KLF7: variants seen among roughly 807,000 people sequenced by gnomAD.
KLF7 encodes Krueppel-like factor 7.
In KLF7, 2 loss-of-function variants were observed where a neutral mutation model predicts 27.3. The observed-to-expected ratio is 0.07, with a 90% CI of 0.03 to 0.23. The LOEUF is 0.23. Ranked by LOEUF, KLF7 falls within the 10% of genes least tolerant of loss-of-function variation. The pLI is 1.00. For synonymous variants in KLF7, 165 were observed against 162.4 expected (o/e 1.02, Z -0.12); for missense variants, 221 against 394.1 (o/e 0.56, Z 3.72).
At chr2:207,131,377 G>C (rs2106017528) in intron 1 of KLF7, among the ~76,000 whole-genome samples, 1 of 152,318 alleles carries the variant, frequency 6.6e-6, no homozygotes, top group South Asian at 2.1e-4. Context: ...AGTAAAGAAA[G>C]AGAGAAACAA....
At position 207,080,845 on chromosome 2, in the gene KLF7, G is replaced by A. The variant is rs1300340979; in HGVS notation, c.*368C>T. 8 of 413,684 alleles carry A rather than the reference G, an allele frequency of 1.9e-5. No individual in the cohort carries two copies. Among genetic ancestry groups the A allele is most frequent in the East Asian group, 6.9e-5 (2 of 28,998 alleles). The allele number at this position is 413,684 out of a possible 1,614,324, so 25.6% of individuals were successfully genotyped here. The stretch of plus-strand genomic sequence containing the variant: ...CGGACTGCCGTCCACCTGCACAGAC[G>A]TCACATCCATTTTCTTTGATTTCCA... On this transcript the variant is annotated 3_prime_UTR_variant, in exon 4 of 4. Coordinates refer to ENST00000309446, the MANE Select transcript of KLF7 (RefSeq NM_003709.4).
chr2:207,126,470 T>TAC (rs2077478980), intron 1 of KLF7, among the ~76,000 whole-genome samples: 1 of 152,166 alleles, frequency 6.6e-6, no homozygotes, highest in Non-Finnish European at 1.5e-5. Context: ...CCCTACCCTG[T>TAC]ACCATGCTGA....
intron 2 of KLF7, among the ~76,000 whole-genome samples, chr2:207,098,378 C>T (rs1482334382): frequency 1.3e-5 from 2 of 152,090 alleles, no homozygotes; most frequent in Non-Finnish European, 2.9e-5. Context: ...GACAACTACA[C>T]CAAGTGAATC....
intron 1 of KLF7, among the ~76,000 whole-genome samples, chr2:207,163,644 G>C (rs2078613231): frequency 6.6e-6 from 1 of 152,144 alleles, no homozygotes; most frequent in Non-Finnish European, 1.5e-5. Flanking sequence ...TCATCAGTAG[G>C]GAACGTTCTA....
At chr2:207,095,960 A>G (rs1265458515) in intron 2 of KLF7, among the ~76,000 whole-genome samples, 1 of 152,192 alleles carries the variant, frequency 6.6e-6, no homozygotes, top group Non-Finnish European at 1.5e-5. Flanking sequence ...AAAGTTACAT[A>G]TGTGGTTTGC....
intron 1 of KLF7, among the ~76,000 whole-genome samples, chr2:207,133,895 G>A (rs1311770919): frequency 1.3e-5 from 2 of 152,192 alleles, no homozygotes; most frequent in African/African-American, 4.8e-5. Context: ...ATTGGCTAGA[G>A]AGCCCTCATT....
intron 1 of KLF7, among the ~76,000 whole-genome samples, chr2:207,152,263 T>C (rs909741045): frequency 9.3e-5 from 13 of 139,326 alleles, no homozygotes; most frequent in Admixed American, 3.6e-4. Flanking sequence ...ACTGGTTACA[T>C]GTTTTTCTTA....
chr2:207,154,987 C>T (rs957815761), intron 1 of KLF7, among the ~76,000 whole-genome samples: 7 of 152,188 alleles, frequency 4.6e-5, no homozygotes, highest in African/African-American at 7.2e-5. Context: ...TGCCAGGTCA[C>T]GACCTTTGGC....
chr2:207,152,348 A>G (rs544298713), intron 1 of KLF7, among the ~76,000 whole-genome samples: 3 of 152,014 alleles, frequency 2.0e-5, no homozygotes, highest in Admixed American at 2.0e-4. Flanking sequence ...GGTCTCTGGG[A>G]GTGGCAAAAG....
rs76546278 is a variant in KLF7, at chr2:207,118,610, T to A, written c.733+5164A>T. On this transcript the variant is annotated intron_variant, in intron 2 of 3. Transcript: ENST00000309446. ...TTTGGTGCAAATCCTTGCCCAACCATCTATGATGAGCTGTGTGACGCCAGG... is the reference window on the plus strand; with the variant it reads ...TTTGGTGCAAATCCTTGCCCAACCAACTATGATGAGCTGTGTGACGCCAGG... 2.6e-5 allele frequency among the ~76,000 whole-genome samples: 4 copies of A among 152,344 alleles called. No individual in the cohort carries two copies. The East Asian group carries it at 7.7e-4, about 29-fold the overall frequency.
upstream of KLF7, among the ~76,000 whole-genome samples, chr2:207,167,841 T>A (rs943896288): frequency 2.0e-5 from 3 of 152,232 alleles, no homozygotes; most frequent in Admixed American, 1.3e-4. Context: ...ATATCTTTGG[T>A]AACTCACCTA....
chr2:207,114,909 A>ACATCTTTT (rs572637449), intron 2 of KLF7, among the ~76,000 whole-genome samples: 132 of 152,296 alleles, frequency 8.7e-4, no homozygotes, highest in African/African-American at 3.1e-3. Context: ...CAAAGTTGGG[A>ACATCTTTT]TTAAAACATC....
intron 2 of KLF7, among the ~76,000 whole-genome samples, chr2:207,100,959 A>C (rs558129267): frequency 6.6e-6 from 1 of 152,266 alleles, no homozygotes; most frequent in Non-Finnish European, 1.5e-5. Context: ...GCACAGGCTC[A>C]GACACACTGT....
chr2:207,084,018 A>C (rs2105854961), intron 3 of KLF7, among the ~76,000 whole-genome samples: 1 of 152,298 alleles, frequency 6.6e-6, no homozygotes, highest in South Asian at 2.1e-4. Flanking sequence ...CTAACCTAGA[A>C]GTTTCTAACC....
At chr2:207,146,679 T>G (rs1029399334) in intron 1 of KLF7, among the ~76,000 whole-genome samples, 9 of 151,678 alleles carry the variant, frequency 5.9e-5, no homozygotes, top group Non-Finnish European at 4.4e-5. Context: ...TTTTACTTAT[T>G]CCTGCTCAAG....
At chr2:207,141,154 C>T (rs1314399869) in intron 1 of KLF7, among the ~76,000 whole-genome samples, 1 of 152,126 alleles carries the variant, frequency 6.6e-6, no homozygotes, top group South Asian at 2.1e-4. Context: ...TAATAAATTT[C>T]TCATGACCAA....
At position 207,075,301 on chromosome 2, in the gene KLF7, C is replaced by A. The variant is rs2076155049; in HGVS notation, c.*5912G>T. On this transcript the variant is annotated 3_prime_UTR_variant, in exon 4 of 4. Coordinates refer to ENST00000309446, the MANE Select transcript of KLF7 (RefSeq NM_003709.4). ...TATAATACAAATAATAGTTTTAAAT[C>A]TTAAGACTTTTGTACAGCAAAAAAA... 1 of 149,914 alleles carries A rather than the reference C, an allele frequency of 6.7e-6. No homozygotes were observed. The highest frequency in any genetic ancestry group is 2.4e-5 in the African/African-American group (1 of 40,856). The allele number at this position is 149,914 out of a possible 1,614,324, so 9.3% of individuals were successfully genotyped here.
At chr2:207,119,387 A>C (rs1046796490) in intron 2 of KLF7, among the ~76,000 whole-genome samples, 2 of 151,206 alleles carry the variant, frequency 1.3e-5, no homozygotes, top group African/African-American at 4.9e-5. Context: ...GAAGAAATGT[A>C]GAAAATCCTT....
chr2:207,091,797 T>G (rs945036925), intron 2 of KLF7, among the ~76,000 whole-genome samples: 1 of 152,170 alleles, frequency 6.6e-6, no homozygotes, highest in Non-Finnish European at 1.5e-5. Context: ...GAAATTCTTC[T>G]GTCAGTATTT....
Sources: allele counts gnomAD v4.1 joint callset (sites outside exome capture counted in the v4.1 genomes callset), GRCh38; gene constraint gnomAD v4.1.1; transcripts MANE v1.5; gene names NCBI Gene and HGNC (gene_info 2026-07-23, HGNC 2026-07-21).